AGBL4: variants seen among roughly 807,000 people sequenced by gnomAD.
AGBL4 encodes cytosolic carboxypeptidase 6.
A neutral mutation model predicts 66.4 loss-of-function variants in AGBL4; 58 were observed. The observed-to-expected ratio is 0.87, with a 90% CI of 0.71 to 1.09. The LOEUF is 1.09. AGBL4 is among the 50% of genes least tolerant of loss of function. The pLI is 0.00. For missense variants in AGBL4, 579 were observed against 631.0 expected (o/e 0.92, Z 0.88); for synonymous variants, 234 against 222.9 (o/e 1.05, Z -0.44).
chr1:49,898,487 G>C (rs1363992182), intron 1 of AGBL4, among the ~76,000 whole-genome samples: 2 of 152,026 alleles, frequency 1.3e-5, no homozygotes, highest in African/African-American at 4.8e-5. Context: ...AGGATGTAGA[G>C]AAAAAGAACC....
intron 5 of AGBL4, among the ~76,000 whole-genome samples, chr1:48,877,372 T>A (rs1017234464): frequency 3.9e-5 from 6 of 152,154 alleles, no homozygotes; most frequent in Admixed American, 2.6e-4. Flanking sequence ...GTAGATATAA[T>A]AAAAGGAAAG....
At chr1:49,872,025 A>G (rs1176307328) in intron 1 of AGBL4, among the ~76,000 whole-genome samples, 1 of 152,120 alleles carries the variant, frequency 6.6e-6, no homozygotes, top group Non-Finnish European at 1.5e-5. Flanking sequence ...TGCATTCATG[A>G]GGATTGTTGA....
chr1:49,743,473 A>G (rs1571461568), intron 2 of AGBL4, among the ~76,000 whole-genome samples: 1 of 152,236 alleles, frequency 6.6e-6, no homozygotes, highest in African/African-American at 2.4e-5. Context: ...AACTAGTTCA[A>G]CCATTGTGGA....
rs1650755541 is a variant in AGBL4, at chr1:49,236,475, G to A, written c.377+9295C>T. Among the ~76,000 whole-genome samples, 4 of 152,126 alleles carry A rather than the reference G, an allele frequency of 2.6e-5. No homozygotes were observed. In the South Asian group the frequency reaches 8.3e-4, roughly 31 times the overall value. ...TGACATTCTATAAAATATTTGTATG[G>A]TTTGGGGACATTTTTGTGGAGAGAT... On this transcript the variant is annotated intron_variant, in intron 4 of 13. Coordinates refer to ENST00000371839, the MANE Select transcript of AGBL4 (RefSeq NM_032785.4).
chr1:48,775,287 T>C (rs948818488), intron 6 of AGBL4, among the ~76,000 whole-genome samples: 1 of 152,128 alleles, frequency 6.6e-6, no homozygotes, highest in Non-Finnish European at 1.5e-5. Flanking sequence ...GTTCTTCCAC[T>C]CTTCAACTTC....
At chr1:48,942,896 C>T (rs972610753) in intron 5 of AGBL4, among the ~76,000 whole-genome samples, 5 of 152,246 alleles carry the variant, frequency 3.3e-5, no homozygotes, top group South Asian at 2.1e-4. Context: ...ATACAAGGCA[C>T]GTATATACCA....
Position 49,268,409 on chromosome 1 carries a change from A to AACACACACACACACAC in AGBL4, c.283-22561_283-22546dup, listed in dbSNP as rs66639251. 4 of 133,008 alleles carry AACACACACACACACAC rather than the reference A, an allele frequency of 3.0e-5. No individual in the cohort carries two copies. The East Asian group carries it at 7.3e-4, about 24-fold the overall frequency. The allele number at this position is 133,008 out of a possible 1,614,324, so 8.2% of individuals were successfully genotyped here. A position where few individuals can be genotyped will look rare whatever the true frequency, so the allele number is the denominator to read the frequency against. Reference sequence around the variant, plus strand: ...AAATTCCTTTCCTTTTTTTTTTTTAAACACACACACACACACACACACACA... The same window carrying AACACACACACACACAC: ...AAATTCCTTTCCTTTTTTTTTTTTAAACACACACACACACACACACACACACACACACACACACACA... On this transcript the variant is annotated intron_variant, in intron 3 of 13. Coordinates refer to ENST00000371839, the MANE Select transcript of AGBL4 (RefSeq NM_032785.4).
intron 3 of AGBL4, among the ~76,000 whole-genome samples, chr1:49,310,619 G>A (rs1223153064): frequency 6.6e-6 from 1 of 151,958 alleles, no homozygotes; most frequent in Non-Finnish European, 1.5e-5. Context: ...GAAGATACAT[G>A]GAATTTGATT....
At chr1:48,918,005 C>T (rs1250593966) in intron 5 of AGBL4, among the ~76,000 whole-genome samples, 1 of 152,206 alleles carries the variant, frequency 6.6e-6, no homozygotes, top group African/African-American at 2.4e-5. Flanking sequence ...TCCCCTGATG[C>T]TCCGTGATGA....
rs2148260953 is a variant in AGBL4 at position 48,539,743 on chromosome 1, A to G, written c.1268-5T>C. The G allele has an allele frequency of 9.2e-6, 14 of 1,520,720 alleles. No individual in the cohort carries two copies. Among genetic ancestry groups the G allele is most frequent in the Admixed American group, 2.1e-5 (1 of 48,720 alleles). 94.2% of individuals were successfully genotyped at this position (1,520,720 alleles called of 1,614,324 possible). On this transcript the variant is annotated splice_polypyrimidine_tract_variant and splice_region_variant and intron_variant, in intron 11 of 13. Transcript: ENST00000371839. ...CATTCCGCCCCAGCTTCATATCTGCAGGTGTGTGCATTAAGGAGCAACTTC... is the reference window on the plus strand; with the variant it reads ...CATTCCGCCCCAGCTTCATATCTGCGGGTGTGTGCATTAAGGAGCAACTTC...
intron 11 of AGBL4, among the ~76,000 whole-genome samples, chr1:48,582,272 A>C (rs112166844): frequency 0.013 from 2,025 of 152,310 alleles, 18 homozygotes; most frequent in Middle Eastern, 0.041. Context: ...ATTATTGATA[A>C]CATGGAATAT....
intron 6 of AGBL4, among the ~76,000 whole-genome samples, chr1:48,768,334 G>A (rs186906668): frequency 1.3e-5 from 2 of 152,226 alleles, no homozygotes; most frequent in African/African-American, 4.8e-5. Context: ...GCTTATGGAA[G>A]CCACAAAGCT....
chr1:48,890,044 A>G (rs1312811373), intron 5 of AGBL4, among the ~76,000 whole-genome samples: 3 of 151,562 alleles, frequency 2.0e-5, no homozygotes, highest in African/African-American at 7.3e-5. Flanking sequence ...TACCTATGGT[A>G]TACAGGTATT....
chr1:49,732,084 C>T (rs1649499779), intron 2 of AGBL4, among the ~76,000 whole-genome samples: 1 of 152,124 alleles, frequency 6.6e-6, no homozygotes, highest in Non-Finnish European at 1.5e-5. Context: ...AAAGTGATGA[C>T]CACTTCCAGG....
intron 5 of AGBL4, among the ~76,000 whole-genome samples, chr1:48,898,651 ATT>A (rs71056684): frequency 1.3e-5 from 2 of 151,492 alleles, no homozygotes; most frequent in South Asian, 2.1e-4. Context: ...CTATGTGCTT[ATT>A]TTTTTTTTAT....
intron 2 of AGBL4, among the ~76,000 whole-genome samples, chr1:49,778,407 G>A (rs1644252016): frequency 6.6e-6 from 1 of 152,098 alleles, no homozygotes; most frequent in African/African-American, 2.4e-5. Context: ...AGTAAGGCTG[G>A]CCCAGGATAC....
At chr1:48,783,239 T>C (rs1443155598) in intron 6 of AGBL4, among the ~76,000 whole-genome samples, 1 of 152,170 alleles carries the variant, frequency 6.6e-6, no homozygotes, top group Non-Finnish European at 1.5e-5. Context: ...AGGCCTGTAG[T>C]GGGCATTATC....
intron 11 of AGBL4, among the ~76,000 whole-genome samples, chr1:48,580,600 G>T (rs748377458): frequency 1.3e-5 from 2 of 152,176 alleles, no homozygotes; most frequent in African/African-American, 2.4e-5. Flanking sequence ...ATTAATTAGA[G>T]AACTTTTAAT....
chr1:49,146,362 C>A (rs935467552), intron 4 of AGBL4, among the ~76,000 whole-genome samples: 1 of 151,758 alleles, frequency 6.6e-6, no homozygotes, highest in Non-Finnish European at 1.5e-5. Context: ...ATCTCATATA[C>A]CCCATAAATA....
Sources: gnomAD v4.1 joint callset for allele counts (sites outside exome capture counted in the v4.1 genomes callset) on GRCh38, gnomAD v4.1.1 for gene constraint, MANE v1.5 for transcripts, NCBI Gene and HGNC (gene_info 2026-07-23, HGNC 2026-07-21) for gene names.